L3MBTL3: variants seen among roughly 807,000 people sequenced by gnomAD.
L3MBTL3 encodes the protein lethal(3)malignant brain tumor-like protein 3.
A neutral mutation model predicts 102.3 loss-of-function variants in L3MBTL3; 27 were observed. The observed-to-expected ratio is 0.26, with a 90% CI of 0.19 to 0.36. L3MBTL3 has a LOEUF of 0.36. L3MBTL3 is among the 10% of genes least tolerant of loss of function. The pLI is 1.00. For synonymous variants in L3MBTL3, 340 were observed against 320.9 expected (o/e 1.06, Z -0.64); for missense variants, 798 against 955.3 (o/e 0.84, Z 2.17).
In L3MBTL3 at chr6:130,027,566, G is replaced by T. The variant is rs1389549618; in HGVS notation, c.-16+5261G>T. The stretch of plus-strand genomic sequence containing the variant: ...CTTAGCTGTTCAGTCTATTGATAAG[G>T]AGGTTGGCTACAAATGGTTATCAAG... On this transcript the variant is annotated intron_variant, in intron 2 of 22. Coordinates refer to ENST00000361794, the MANE Select transcript of L3MBTL3 (RefSeq NM_032438.4). Among the ~76,000 whole-genome samples, 4 of 152,164 alleles carry T rather than the reference G, an allele frequency of 2.6e-5. No individual in the cohort carries two copies. In the South Asian group the frequency reaches 8.3e-4, roughly 32 times the overall value.
chr6:130,044,491 G>C (rs1237288239), intron 3 of L3MBTL3, among the ~76,000 whole-genome samples: 2 of 151,960 alleles, frequency 1.3e-5, no homozygotes, highest in East Asian at 3.9e-4. Flanking sequence ...TAAGAAATCT[G>C]TATTGCTTTA....
intron 2 of L3MBTL3, among the ~76,000 whole-genome samples, chr6:130,024,054 G>C (rs1779178647): frequency 6.6e-6 from 1 of 152,090 alleles, no homozygotes; most frequent in African/African-American, 2.4e-5. Flanking sequence ...GAAAATGGTA[G>C]GGTGATGAAA....
intron 20 of L3MBTL3, among the ~76,000 whole-genome samples, chr6:130,126,856 G>A (rs1010668181): frequency 7.2e-5 from 11 of 152,274 alleles, no homozygotes; most frequent in Non-Finnish European, 1.2e-4. Flanking sequence ...GTGCATAAAC[G>A]TGGGAGTCCT....
intron 19 of L3MBTL3, among the ~76,000 whole-genome samples, chr6:130,115,652 C>A (rs943640650): frequency 6.6e-6 from 1 of 152,068 alleles, no homozygotes; most frequent in Non-Finnish European, 1.5e-5. Flanking sequence ...TAAAAAGTGA[C>A]ACATAATTAC....
chr6:130,070,131 G>GT (rs1188515448), intron 12 of L3MBTL3, among the ~76,000 whole-genome samples: 1 of 151,748 alleles, frequency 6.6e-6, no homozygotes, highest in East Asian at 1.9e-4. Context: ...GTTTTGTTTT[G>GT]TTTTTAGGGA....
At chr6:130,128,962 T>G (rs752402028) in intron 20 of L3MBTL3, among the ~76,000 whole-genome samples, 33 of 152,180 alleles carry the variant, frequency 2.2e-4, no homozygotes, top group Non-Finnish European at 4.1e-4. Context: ...TAGAGGCACC[T>G]CTTACTGGGG....
intron 14 of L3MBTL3, among the ~76,000 whole-genome samples, chr6:130,079,431 T>A (rs1783170133): frequency 6.6e-6 from 1 of 152,190 alleles, no homozygotes; most frequent in Non-Finnish European, 1.5e-5. Context: ...TTTATATCAT[T>A]TTGAGTTTAT....
rs1786629771 is a variant in L3MBTL3 at position 130,126,673 on chromosome 6, AGCAGATTTGATTT to A, written c.1966+5724_1966+5736del. Among the ~76,000 whole-genome samples the A allele has an allele frequency of 9.2e-5, 14 of 152,294 alleles. No homozygotes were observed. The South Asian group carries it at 2.9e-3, about 32-fold the overall frequency. On this transcript the variant is annotated intron_variant, in intron 20 of 22. Coordinates refer to ENST00000361794, the MANE Select transcript of L3MBTL3 (RefSeq NM_032438.4). ...CTCAACCAGAAATGAGAGGCATGTG[AGCAGATTTGATTT>A]GCAGATTTCTACTTTGGATAATGAC... is the stretch of plus-strand genomic sequence containing the variant.
At chr6:130,034,642 TA>T (rs1779935586) in intron 2 of L3MBTL3, among the ~76,000 whole-genome samples, 1 of 152,240 alleles carries the variant, frequency 6.6e-6, no homozygotes. Context: ...AACTAGCAGT[TA>T]ATTTTGTTTC....
intron 2 of L3MBTL3, among the ~76,000 whole-genome samples, chr6:130,035,033 G>A (rs1449521987): frequency 1.3e-5 from 2 of 152,142 alleles, no homozygotes; most frequent in South Asian, 2.1e-4. Context: ...CCTTCGTGAC[G>A]TCTATGCTGT....
intron 8 of L3MBTL3, among the ~76,000 whole-genome samples, chr6:130,056,783 T>C (rs569254492): frequency 6.6e-6 from 1 of 152,288 alleles, no homozygotes; most frequent in East Asian, 1.9e-4. Context: ...CCGATTTTTT[T>C]CTTCTCTTTG....
intron 13 of L3MBTL3, among the ~76,000 whole-genome samples, chr6:130,072,561 G>C (rs1353334451): frequency 6.6e-6 from 1 of 152,136 alleles, no homozygotes; most frequent in Non-Finnish European, 1.5e-5. Flanking sequence ...TTGAAATACA[G>C]TCAATTTCTA....
chr6:130,131,624 G>A (rs1787052180), intron 20 of L3MBTL3, among the ~76,000 whole-genome samples: 2 of 152,194 alleles, frequency 1.3e-5, no homozygotes, highest in South Asian at 4.1e-4. Context: ...ATGCAAAAGT[G>A]TATTAGGAAA....
chr6:130,019,924 G>C (rs1778842144), intron 1 of L3MBTL3, among the ~76,000 whole-genome samples: 1 of 139,410 alleles, frequency 7.2e-6, no homozygotes, highest in African/African-American at 2.6e-5. Flanking sequence ...GCCCCGCGCC[G>C]TGCCGCGCCG....
intron 19 of L3MBTL3, among the ~76,000 whole-genome samples, chr6:130,112,304 G>A (rs1218279186): frequency 2.0e-5 from 3 of 152,104 alleles, no homozygotes; most frequent in African/African-American, 7.2e-5. Flanking sequence ...TAGTGACCTC[G>A]AACCATCCAT....
chr6:130,118,271 A>G (rs1388739255), intron 19 of L3MBTL3, among the ~76,000 whole-genome samples: 1 of 152,160 alleles, frequency 6.6e-6, no homozygotes, highest in East Asian at 1.9e-4. Context: ...ACTTCTCTAC[A>G]TTTCTGTGGC....
At chr6:130,135,838 A>G (rs954613407) in intron 22 of L3MBTL3, among the ~76,000 whole-genome samples, 1 of 152,224 alleles carries the variant, frequency 6.6e-6, no homozygotes, top group African/African-American at 2.4e-5. Context: ...ATGATTCGAA[A>G]ATAATGAAAC....
intron 19 of L3MBTL3, among the ~76,000 whole-genome samples, chr6:130,106,848 G>GA (rs1298620917): frequency 1.3e-5 from 2 of 152,198 alleles, no homozygotes; most frequent in Non-Finnish European, 2.9e-5. Context: ...AAGAGGTAAA[G>GA]AAATGCCCTT....
intron 2 of L3MBTL3, among the ~76,000 whole-genome samples, chr6:130,030,807 C>T (rs146981405): frequency 1.3e-5 from 2 of 150,352 alleles, no homozygotes; most frequent in Admixed American, 1.3e-4. Flanking sequence ...AAATCTGTTT[C>T]TTAGCTGGGT....
Sources: allele counts gnomAD v4.1 joint callset (sites outside exome capture counted in the v4.1 genomes callset), GRCh38; gene constraint gnomAD v4.1.1; transcripts MANE v1.5; gene names NCBI Gene and HGNC (gene_info 2026-07-23, HGNC 2026-07-21).